The following ITPK1 variants were observed in gnomAD, a reference collection of about 807,000 sequenced individuals.
The protein encoded by ITPK1 is inositol 1,3,4-trisphosphate 5/6-kinase.
ITPK1 carries 21 observed loss-of-function variants against 45.3 expected under a neutral mutation model. The ratio of observed to expected loss-of-function variants is 0.46; its 90% confidence interval spans 0.33 to 0.67. ITPK1 has a LOEUF of 0.67. Among genes scored for constraint, ITPK1 ranks in the 30% least tolerant of loss-of-function variants. The pLI, the probability that ITPK1 is intolerant of heterozygous loss-of-function variation, is 0.02. For missense variants in ITPK1, 474 were observed against 573.5 expected (o/e 0.83, Z 1.77); for synonymous variants, 258 against 253.6 (o/e 1.02, Z -0.16).
intron 3 of ITPK1, among the ~76,000 whole-genome samples, chr14:93,040,291 A>G (rs75768530): frequency 0.027 from 4,179 of 152,280 alleles, 97 homozygotes; most frequent in Admixed American, 0.085. Context: ...CATGAAGCAG[A>G]GCTTTGCTTC....
chr14:93,088,626 G>A (rs1185464148), intron 2 of ITPK1, among the ~76,000 whole-genome samples: 11 of 152,048 alleles, frequency 7.2e-5, no homozygotes, highest in African/African-American at 2.4e-4. Context: ...AAAGTGCTAG[G>A]ATTACAGGCA....
Position 92,941,556 on chromosome 14 carries a change from C to T in ITPK1, c.*5G>A, listed in dbSNP as rs749912146. On this transcript the variant is annotated 3_prime_UTR_variant, in exon 11 of 11. Coordinates refer to ENST00000267615, the MANE Select transcript of ITPK1 (RefSeq NM_014216.6). Reference sequence around the variant, plus strand: ...GCGCTGCCCCTCTGGGTCCCGGCTCCGTGGCTACTGGGAGGAGGCCTTGGT... The same window carrying T: ...GCGCTGCCCCTCTGGGTCCCGGCTCTGTGGCTACTGGGAGGAGGCCTTGGT... 144 of 1,526,578 alleles carry T rather than the reference C, an allele frequency of 9.4e-5. No homozygotes were observed. Among genetic ancestry groups the T allele is most frequent in the African/African-American group, 1.4e-4 (10 of 71,442 alleles). The allele number at this position is 1,526,578 out of a possible 1,614,324, so 94.6% of individuals were successfully genotyped here. A position where few individuals can be genotyped will look rare whatever the true frequency, so the allele number is the denominator to read the frequency against.
chr14:92,949,726 C>T (rs1887868270), intron 9 of ITPK1, among the ~76,000 whole-genome samples: 1 of 152,262 alleles, frequency 6.6e-6, no homozygotes, highest in Non-Finnish European at 1.5e-5. Flanking sequence ...CTGCCACACG[C>T]CCCATGGCAC....
rs573454111 is a variant in ITPK1, at chr14:93,042,683, A to G, written c.121-25882T>C. ...GCTCAGAGGGAGAAACTGGTGGGCAAAGAAAGGGAGAAGGGCCTCGGACAA... is the reference window on the plus strand; with the variant it reads ...GCTCAGAGGGAGAAACTGGTGGGCAGAGAAAGGGAGAAGGGCCTCGGACAA... On this transcript the variant is annotated intron_variant, in intron 3 of 10. Coordinates refer to ENST00000267615, the MANE Select transcript of ITPK1 (RefSeq NM_014216.6). 7.2e-5 allele frequency among the ~76,000 whole-genome samples: 11 copies of G among 152,284 alleles called. No homozygotes were observed. In the East Asian group the frequency reaches 1.7e-3, roughly 24 times the overall value.
In ITPK1 at chr14:93,076,702, G is replaced by A. The variant is rs1566772829; in HGVS notation, c.96-83C>T. 1.3e-6 allele frequency: 2 copies of A among 1,560,250 alleles called. No homozygotes were observed. The highest frequency in any genetic ancestry group is 1.8e-6 in the Non-Finnish European group (2 of 1,132,092). On this transcript the variant is annotated intron_variant, in intron 2 of 10. Coordinates refer to ENST00000267615, the MANE Select transcript of ITPK1 (RefSeq NM_014216.6). This position sits in a 1 kb window ranked among gnomAD's most constrained non-coding sequence, Gnocchi z 4.3. The stretch of plus-strand genomic sequence containing the variant: ...CGAAGGTTCCCGACAGCCGGCTGAG[G>A]GCAGGACCATGAGAGGGTTTCAGGA...
intron 5 of ITPK1, among the ~76,000 whole-genome samples, chr14:92,969,331 C>T (rs1443393011): frequency 6.8e-6 from 1 of 146,336 alleles, no homozygotes; most frequent in African/African-American, 2.6e-5. Context: ...ATGGGGGTGC[C>T]GGCAGAGGTG....
intron 9 of ITPK1, among the ~76,000 whole-genome samples, chr14:92,948,805 G>A (rs571471108): frequency 6.6e-6 from 1 of 152,096 alleles, no homozygotes; most frequent in South Asian, 2.1e-4. Flanking sequence ...CGCCGCCCAC[G>A]CTCCGAGGGA....
At chr14:93,033,936 A>T (rs778518301) in intron 3 of ITPK1, among the ~76,000 whole-genome samples, 36 of 151,942 alleles carry the variant, frequency 2.4e-4, no homozygotes, top group Non-Finnish European at 4.7e-4. Context: ...CAGCTGTGGG[A>T]CTGGGGACTG....
chr14:92,997,468 C>T (rs188133651), intron 4 of ITPK1, among the ~76,000 whole-genome samples: 15 of 152,316 alleles, frequency 9.8e-5, no homozygotes, highest in East Asian at 9.6e-4. Context: ...TTCCTAAACA[C>T]GATCTCTTCT....
At chr14:93,027,502 C>G (rs371449342) in intron 3 of ITPK1, among the ~76,000 whole-genome samples, 1 of 152,164 alleles carries the variant, frequency 6.6e-6, no homozygotes, top group African/African-American at 2.4e-5. Flanking sequence ...CAAGGCAACT[C>G]GCCTTCATCC....
At chr14:92,957,218 G>A (rs1315841452) in intron 8 of ITPK1, among the ~76,000 whole-genome samples, 7 of 152,228 alleles carry the variant, frequency 4.6e-5, no homozygotes, top group Non-Finnish European at 5.9e-5. Flanking sequence ...AACAGCCGGC[G>A]TCTGAACGCT....
At chr14:92,975,126 C>T (rs760876891) in intron 5 of ITPK1, among the ~76,000 whole-genome samples, 9 of 152,246 alleles carry the variant, frequency 5.9e-5, no homozygotes, top group Non-Finnish European at 1.2e-4. Flanking sequence ...GCCGCTGCTC[C>T]ATGCTCCCCA....
chr14:93,096,292 G>A (rs147410393), intron 2 of ITPK1, among the ~76,000 whole-genome samples: 63 of 152,324 alleles, frequency 4.1e-4, no homozygotes, highest in African/African-American at 1.5e-3. Context: ...GGTCTTCTCT[G>A]ACTATGTGAG....
chr14:93,054,029 C>T (rs2139935170), intron 3 of ITPK1, among the ~76,000 whole-genome samples: 1 of 152,316 alleles, frequency 6.6e-6, no homozygotes, highest in South Asian at 2.1e-4. Flanking sequence ...GGCTTAGAAG[C>T]ACTTCCTGGC....
At chr14:92,943,286 C>T (rs2139695620) in intron 10 of ITPK1, among the ~76,000 whole-genome samples, 1 of 152,350 alleles carries the variant, frequency 6.6e-6, no homozygotes, top group Non-Finnish European at 1.5e-5. Context: ...AAGTAGCAGC[C>T]ACTGGGCTGT....
At chr14:93,007,835 T>G (rs1887699216) in intron 4 of ITPK1, among the ~76,000 whole-genome samples, 2 of 152,338 alleles carry the variant, frequency 1.3e-5, no homozygotes, top group South Asian at 4.1e-4. Flanking sequence ...GACCTCTGAC[T>G]GCTGCAATGG....
At chr14:92,987,425 C>G (rs373275144) in intron 5 of ITPK1, among the ~76,000 whole-genome samples, 1 of 152,130 alleles carries the variant, frequency 6.6e-6, no homozygotes, top group East Asian at 1.9e-4. Flanking sequence ...CTGATGCTTC[C>G]GAGATTCCCA....
intron 3 of ITPK1, among the ~76,000 whole-genome samples, chr14:93,074,075 T>C (rs1004243766): frequency 6.6e-6 from 1 of 152,238 alleles, no homozygotes; most frequent in Non-Finnish European, 1.5e-5. Flanking sequence ...GCCAAGTGGC[T>C]TGGCTTCCTG....
Position 92,937,939 on chromosome 14 carries a change from C to G in ITPK1, c.*3622G>C, listed in dbSNP as rs1242540209. 6.4e-6 allele frequency: 1 copy of G among 155,982 alleles called. No homozygotes were observed. The highest frequency in any genetic ancestry group is 1.9e-4 in the East Asian group (1 of 5,250). The allele number at this position is 155,982 out of a possible 1,614,324, so 9.7% of individuals were successfully genotyped here. On this transcript the variant is annotated 3_prime_UTR_variant, in exon 11 of 11. Transcript: ENST00000267615. Reference sequence around the variant, plus strand: ...GAGAAGGAGCTGCCGGGGATCCCACCGGGTGAATGATCAGAGTTTGTTTGT... The same window carrying G: ...GAGAAGGAGCTGCCGGGGATCCCACGGGGTGAATGATCAGAGTTTGTTTGT...
Sources: allele counts gnomAD v4.1 joint callset (sites outside exome capture counted in the v4.1 genomes callset), GRCh38; gene constraint gnomAD v4.1.1; non-coding constraint Gnocchi (gnomAD v3.1); transcripts MANE v1.5; gene names NCBI Gene and HGNC (gene_info 2026-07-23, HGNC 2026-07-21).